The following CUX1 variants were observed in gnomAD, a reference collection of about 807,000 sequenced individuals.
The protein encoded by CUX1 is cut like homeobox 1, also known as protein CASP.
CUX1 carries 31 observed loss-of-function variants against 158.8 expected under a neutral mutation model. That is an observed-to-expected ratio of 0.20 (90% CI 0.15 to 0.26). The LOEUF (loss-of-function observed/expected upper bound fraction) is 0.26. Ranked by LOEUF, CUX1 falls within the 10% of genes least tolerant of loss-of-function variation. The pLI is 1.00. For missense variants in CUX1, 1,589 were observed against 2,014.6 expected (o/e 0.79, Z 4.04); for synonymous variants, 879 against 862.1 (o/e 1.02, Z -0.34).
intron 2 of CUX1, among the ~76,000 whole-genome samples, chr7:101,975,896 T>A (rs1812603976): frequency 6.6e-6 from 1 of 152,172 alleles, no homozygotes; most frequent in Admixed American, 6.5e-5. Flanking sequence ...ACCCCAGCAC[T>A]TTGGGAGGCC....
intron 1 of CUX1, among the ~76,000 whole-genome samples, chr7:101,892,954 G>A (rs13227531): frequency 0.21 from 31,768 of 151,826 alleles, 5,055 homozygotes; most frequent in East Asian, 0.84. Context: ...GCCTGAACGT[G>A]GGCATGTTTG....
chr7:101,934,396 A>G (rs1228343782), intron 2 of CUX1, among the ~76,000 whole-genome samples: 1 of 152,080 alleles, frequency 6.6e-6, no homozygotes, highest in Admixed American at 6.6e-5. Context: ...CTCTCTGACA[A>G]CCTTCAATAC....
chr7:101,866,488 C>T (rs544048020), intron 1 of CUX1, among the ~76,000 whole-genome samples: 88 of 150,744 alleles, frequency 5.8e-4, no homozygotes, highest in African/African-American at 2.0e-3. Context: ...AAAAACTAAC[C>T]AGTTGTGGTA....
chr7:101,826,448 C>T (rs942887811), intron 1 of CUX1, among the ~76,000 whole-genome samples: 6 of 152,058 alleles, frequency 3.9e-5, no homozygotes, highest in Admixed American at 2.0e-4. Context: ...GTAATCCTCC[C>T]TCCTTGGTCT....
chr7:102,225,273 G>A (rs1266011087), intron 20 of CUX1, among the ~76,000 whole-genome samples: 1 of 152,146 alleles, frequency 6.6e-6, no homozygotes, highest in East Asian at 1.9e-4. Context: ...AGTTTGTGCC[G>A]GTTCAGGACG....
intron 1 of CUX1, among the ~76,000 whole-genome samples, chr7:101,912,251 C>T (rs1018763238): frequency 5.3e-5 from 7 of 133,322 alleles, no homozygotes; most frequent in Non-Finnish European, 1.1e-4. Flanking sequence ...CCTCCCTCCT[C>T]CTCCTCTATC....
chr7:102,255,005 G>A lies in CUX1; in HGVS notation c.*5963G>A. Reference sequence around the variant, plus strand: ...TGAAAGTTAAGTCCACCAACCCTTGGGCTTAATCAGGACGGAAGAGGAGGG... The same window carrying A: ...TGAAAGTTAAGTCCACCAACCCTTGAGCTTAATCAGGACGGAAGAGGAGGG... On this transcript the variant is annotated 3_prime_UTR_variant, in exon 24 of 24. Transcript: ENST00000292535. 1.0e-6 allele frequency: 1 copy of A among 985,458 alleles called. No individual in the cohort carries two copies. The highest frequency in any genetic ancestry group is 1.2e-6 in the Non-Finnish European group (1 of 829,998). 61.0% of individuals were successfully genotyped at this position (985,458 alleles called of 1,614,324 possible).
At chr7:102,018,777 T>C (rs1174754615) in intron 2 of CUX1, among the ~76,000 whole-genome samples, 1 of 152,170 alleles carries the variant, frequency 6.6e-6, no homozygotes, top group Non-Finnish European at 1.5e-5. Flanking sequence ...CAGTATTGAC[T>C]GTGTTAGACA....
At chr7:102,083,192 G>A (rs139522122) in intron 4 of CUX1, among the ~76,000 whole-genome samples, 1,827 of 147,372 alleles carry the variant, frequency 0.012, 99 homozygotes, top group African/African-American at 0.042. Flanking sequence ...TAGTGAATGC[G>A]TAATGTATTT....
intron 20 of CUX1, among the ~76,000 whole-genome samples, chr7:102,220,511 T>G (rs1554526574): frequency 6.6e-6 from 1 of 152,198 alleles, no homozygotes; most frequent in African/African-American, 2.4e-5. Flanking sequence ...TCACGATCTG[T>G]CCCTCTAAAC....
At chr7:102,078,356 G>T (rs1412613685) in intron 4 of CUX1, among the ~76,000 whole-genome samples, 1 of 152,128 alleles carries the variant, frequency 6.6e-6, no homozygotes, top group Non-Finnish European at 1.5e-5. Flanking sequence ...GATTACAGGC[G>T]TGAGCCACCA....
At chr7:102,137,168 G>A (rs1254362409) in intron 8 of CUX1, among the ~76,000 whole-genome samples, 2 of 152,156 alleles carry the variant, frequency 1.3e-5, no homozygotes, top group African/African-American at 4.8e-5. Flanking sequence ...CTTGGTTTAA[G>A]CCTGTGTCCC....
At chr7:102,061,144 G>A (rs1824827429) in intron 3 of CUX1, among the ~76,000 whole-genome samples, 2 of 152,124 alleles carry the variant, frequency 1.3e-5, no homozygotes, top group South Asian at 2.1e-4. Context: ...GGCTGGTCTC[G>A]AACTCCTGAC....
chr7:101,999,977 G>A (rs981401013), intron 2 of CUX1, among the ~76,000 whole-genome samples: 1 of 152,142 alleles, frequency 6.6e-6, no homozygotes, highest in Non-Finnish European at 1.5e-5. Flanking sequence ...AGCACTCTGG[G>A]ACGCCAAGGC....
At chr7:101,866,705 T>C (rs1797956374) in intron 1 of CUX1, among the ~76,000 whole-genome samples, 1 of 152,156 alleles carries the variant, frequency 6.6e-6, no homozygotes, top group African/African-American at 2.4e-5. Context: ...GTTGAGACAA[T>C]GAACAGCTCG....
chr7:102,266,014 A>G (rs1790782263), intron 14 of CUX1, among the ~76,000 whole-genome samples: 1 of 151,800 alleles, frequency 6.6e-6, no homozygotes, highest in Non-Finnish European at 1.5e-5. Flanking sequence ...GACCAGCCTG[A>G]CCAACATGGT....
chr7:101,824,505 A>T (rs1423881812), intron 1 of CUX1: 1 of 152,260 alleles, frequency 6.6e-6, no homozygotes, highest in Non-Finnish European at 1.5e-5. Flanking sequence ...GATAAAAAAT[A>T]ATTTGATAAA....
chr7:101,911,922 A>G (rs1803532709), intron 1 of CUX1, among the ~76,000 whole-genome samples: 1 of 152,154 alleles, frequency 6.6e-6, no homozygotes, highest in South Asian at 2.1e-4. Flanking sequence ...AGAAAGATAA[A>G]AACACATTTT....
Position 101,827,295 on chromosome 7 carries a change from T to TTCTC in CUX1, c.30+9627_30+9628insCTCT, listed in dbSNP as rs1562893412. On this transcript the variant is annotated intron_variant, in intron 1 of 23. Transcript: ENST00000292535. Reference sequence around the variant, plus strand: ...CTTCTCTTCTCTTCTCTTCTCTTCTTTTCTTTTCTTTTCCTTTCCCTTCCT... The same window carrying TTCTC: ...CTTCTCTTCTCTTCTCTTCTCTTCTTTCTCTTCTTTTCTTTTCCTTTCCCTTCCT... Among the ~76,000 whole-genome samples, 212 of 46,822 alleles carry TTCTC rather than the reference T, an allele frequency of 4.5e-3. 1 individual carries two copies. The highest frequency in any genetic ancestry group is 9.9e-3 in the African/African-American group (141 of 14,172). 30.7% of individuals were successfully genotyped at this position (46,822 alleles called of 152,430 possible).
Sources: allele counts gnomAD v4.1 joint callset (sites outside exome capture counted in the v4.1 genomes callset), GRCh38; gene constraint gnomAD v4.1.1; transcripts MANE v1.5; gene names NCBI Gene and HGNC (gene_info 2026-07-23, HGNC 2026-07-21).